PPM1H: variants seen among roughly 807,000 people sequenced by gnomAD.
PPM1H encodes the protein protein phosphatase 1H.
Under a neutral mutation model 54.9 loss-of-function variants are expected in PPM1H, and 27 were observed. The ratio of observed to expected loss-of-function variants is 0.49; its 90% CI spans 0.36 to 0.68. PPM1H has a LOEUF of 0.68. Among genes scored for constraint, PPM1H ranks in the 30% least tolerant of loss-of-function variants. The pLI, the probability that PPM1H is intolerant of heterozygous loss-of-function variation, is 0.00. For synonymous variants in PPM1H, 305 were observed against 270.8 expected, an observed-to-expected ratio of 1.13 and a Z score of -1.24; for missense variants, 596 against 667.8, an observed-to-expected ratio of 0.89 and a Z score of 1.19.
intron 6 of PPM1H, among the ~76,000 whole-genome samples, chr12:62,713,772 C>A: frequency 6.6e-6 from 1 of 152,026 alleles, no homozygotes; most frequent in East Asian, 1.9e-4. Context: ...AGTTTGAGAC[C>A]AGTCTAGGCA....
chr12:62,686,486 G>A (rs1316826156), intron 8 of PPM1H, among the ~76,000 whole-genome samples: 2 of 152,198 alleles, frequency 1.3e-5, no homozygotes, highest in African/African-American at 4.8e-5. Flanking sequence ...CACGAGTCCA[G>A]TTACAAGCCC....
At chr12:62,758,354 C>T (rs556268839) in intron 4 of PPM1H, among the ~76,000 whole-genome samples, 1 of 152,346 alleles carries the variant, frequency 6.6e-6, no homozygotes, top group African/African-American at 2.4e-5. Context: ...CAGCATGATT[C>T]ATCTATGCCT....
chr12:62,648,477 C>T lies in PPM1H; in HGVS notation c.*12G>A. On this transcript the variant is annotated 3_prime_UTR_variant, in exon 10 of 10. Transcript: ENST00000228705. The stretch of plus-strand genomic sequence containing the variant: ...TTCTTCCCCTCTGTCCTCCCAATCC[C>T]CTGGGCCATTTTCATGACAGCTTGT... The T allele has an allele frequency of 1.9e-6, 3 of 1,613,760 alleles. No individual in the cohort carries two copies. The highest frequency in any genetic ancestry group is 2.5e-6 in the Non-Finnish European group (3 of 1,179,732).
At chr12:62,812,357 C>T (rs1655836109) in intron 2 of PPM1H, among the ~76,000 whole-genome samples, 1 of 152,106 alleles carries the variant, frequency 6.6e-6, no homozygotes, top group South Asian at 2.1e-4. Context: ...TTCATTCTAA[C>T]AAATGTTTAA....
intron 1 of PPM1H, among the ~76,000 whole-genome samples, chr12:62,920,482 G>GA (rs1871759126): frequency 1.4e-5 from 2 of 147,898 alleles, no homozygotes; most frequent in African/African-American, 5.1e-5. Context: ...GCACCTGAAT[G>GA]AGGTTTTTTT....
rs1407760894 is a variant in PPM1H at position 62,644,721 on chromosome 12, C to G, written c.*3768G>C. ...ACCAAAGTCTGCTCAGAGAGGTGGGCTATGGTGTGCAGGCTGCAACCTTTC... is the reference window on the plus strand; with the variant it reads ...ACCAAAGTCTGCTCAGAGAGGTGGGGTATGGTGTGCAGGCTGCAACCTTTC... On this transcript the variant is annotated 3_prime_UTR_variant, in exon 10 of 10. Transcript: ENST00000228705. 3 of 152,226 alleles carry G rather than the reference C, an allele frequency of 2.0e-5. No homozygotes were observed. Among genetic ancestry groups the G allele is most frequent in the Non-Finnish European group, 4.4e-5 (3 of 68,054 alleles). 9.4% of individuals were successfully genotyped at this position (152,226 alleles called of 1,614,324 possible). A position where few individuals can be genotyped will look rare whatever the true frequency, so the allele number is the denominator to read the frequency against.
chr12:62,713,569 A>G (rs1401785530), intron 6 of PPM1H, among the ~76,000 whole-genome samples: 1 of 152,138 alleles, frequency 6.6e-6, no homozygotes, highest in East Asian at 1.9e-4. Context: ...AAGGGGTGTG[A>G]AGCCCACCCC....
At chr12:62,904,438 C>G (rs532400125) in intron 1 of PPM1H, among the ~76,000 whole-genome samples, 1 of 152,060 alleles carries the variant, frequency 6.6e-6, no homozygotes, top group African/African-American at 2.4e-5. Context: ...TGGGCTTTCT[C>G]CATATTGCCC....
chr12:62,702,049 C>G (rs2076146668), intron 6 of PPM1H, among the ~76,000 whole-genome samples: 2 of 152,162 alleles, frequency 1.3e-5, no homozygotes, highest in Non-Finnish European at 2.9e-5. Flanking sequence ...TCTCCCTTAG[C>G]ATGTCAGTTT....
intron 4 of PPM1H, among the ~76,000 whole-genome samples, chr12:62,786,050 C>G (rs894788055): frequency 6.6e-6 from 1 of 152,108 alleles, no homozygotes; most frequent in African/African-American, 2.4e-5. Flanking sequence ...CTTCCTTAGT[C>G]CCTGAGTGGG....
intron 5 of PPM1H, among the ~76,000 whole-genome samples, chr12:62,727,319 C>T (rs917676318): frequency 5.3e-5 from 8 of 152,208 alleles, no homozygotes; most frequent in African/African-American, 1.9e-4. Flanking sequence ...GACATTCTGA[C>T]CTGCTCTACA....
intron 6 of PPM1H, among the ~76,000 whole-genome samples, chr12:62,708,690 T>C (rs1300621850): frequency 1.3e-5 from 2 of 152,212 alleles, no homozygotes; most frequent in Non-Finnish European, 2.9e-5. Context: ...TTAAATCATC[T>C]TCTAAGTCAC....
intron 6 of PPM1H, 73 bp downstream of exon 6, chr12:62,720,098 T>C: frequency 7.7e-7 from 1 of 1,292,642 alleles, no homozygotes; most frequent in South Asian, 1.2e-5. Flanking sequence ...ACTGTGTAAC[T>C]GGCTGTTTAT....
intron 8 of PPM1H, among the ~76,000 whole-genome samples, chr12:62,679,677 A>G (rs2076007894): frequency 6.6e-6 from 1 of 152,162 alleles, no homozygotes; most frequent in African/African-American, 2.4e-5. Flanking sequence ...TTCCTTTGAG[A>G]AATGTTTACA....
In PPM1H at chr12:62,934,802, C is replaced by T. The variant is rs980171553; in HGVS notation, c.-66G>A. ...GGCGGGGGCCGGGCAAGGCGCAGCGCGGGGCATGCAGGCTGCGGTGGGCGC... is the reference window on the plus strand; with the variant it reads ...GGCGGGGGCCGGGCAAGGCGCAGCGTGGGGCATGCAGGCTGCGGTGGGCGC... On this transcript the variant is annotated 5_prime_UTR_variant, in exon 1 of 10. Transcript: ENST00000228705. This position sits in a 1 kb window ranked among gnomAD's most constrained non-coding sequence, Gnocchi z 4.2. 4.3e-6 allele frequency: 6 copies of T among 1,381,002 alleles called. No homozygotes were observed. Among genetic ancestry groups the T allele is most frequent in the East Asian group, 3.0e-5 (1 of 33,852 alleles). 85.5% of individuals were successfully genotyped at this position (1,381,002 alleles called of 1,614,324 possible). A position where few individuals can be genotyped will look rare whatever the true frequency, so the allele number is the denominator to read the frequency against.
Position 62,932,628 on chromosome 12 carries a change from C to CTTTTTTTTTTTTTTTTTTT in PPM1H, c.245+1845_245+1863dup, listed in dbSNP as rs61003358. Among the ~76,000 whole-genome samples, 179 of 54,008 alleles carry CTTTTTTTTTTTTTTTTTTT rather than the reference C, an allele frequency of 3.3e-3. 54 individuals carry two copies. Among genetic ancestry groups the CTTTTTTTTTTTTTTTTTTT allele is most frequent in the Non-Finnish European group, 4.1e-3 (129 of 31,120 alleles). The allele number at this position is 54,008 out of a possible 152,430, so 35.4% of individuals were successfully genotyped here. A position where few individuals can be genotyped will look rare whatever the true frequency, so the allele number is the denominator to read the frequency against. On this transcript the variant is annotated intron_variant, in intron 1 of 9. Coordinates refer to ENST00000228705, the MANE Select transcript of PPM1H (RefSeq NM_020700.2). ...CTGTCTCGTAAAGGGTCCAAATGGG[C>CTTTTTTTTTTTTTTTTTTT]TTTTTTTTTTTTTTTTTTTTTTTGA...
intron 4 of PPM1H, among the ~76,000 whole-genome samples, chr12:62,741,883 G>A (rs1251608439): frequency 6.6e-6 from 1 of 152,026 alleles, no homozygotes; most frequent in African/African-American, 2.4e-5. Context: ...CAGAAATGAG[G>A]GCCCTACATA....
rs116016532 is a variant in PPM1H, at chr12:62,648,702, G to T, written c.1398-66C>A. 7.2e-5 allele frequency: 111 copies of T among 1,532,756 alleles called. No homozygotes were observed. The African/African-American group carries it at 1.4e-3, about 20-fold the overall frequency. The allele number at this position is 1,532,756 out of a possible 1,614,324, so 94.9% of individuals were successfully genotyped here. A position where few individuals can be genotyped will look rare whatever the true frequency, so the allele number is the denominator to read the frequency against. On this transcript the variant is annotated intron_variant, in intron 9 of 9. Transcript: ENST00000228705. ...CAGACAGAAGCCAGGGTCAAGTGAG[G>T]CTGGGAAGGGGGAGGCATCACTACA...
rs554421165 is a variant in PPM1H, at chr12:62,677,253, C to A, written c.1246-9924G>T. On this transcript the variant is annotated intron_variant, in intron 8 of 9. Transcript: ENST00000228705. ...CCTCCAGTTGCCCATGTACCTCATT[C>A]TTCCTGGATGTGGGACAAGAACTCA... Among the ~76,000 whole-genome samples, 13 of 152,344 alleles carry A rather than the reference C, an allele frequency of 8.5e-5. No individual in the cohort carries two copies. In the South Asian group the frequency reaches 2.7e-3, roughly 32 times the overall value.
Sources: allele counts gnomAD v4.1 joint callset (sites outside exome capture counted in the v4.1 genomes callset), GRCh38; gene constraint gnomAD v4.1.1; non-coding constraint Gnocchi (gnomAD v3.1); transcripts MANE v1.5; gene names NCBI Gene and HGNC (gene_info 2026-07-23, HGNC 2026-07-21).